SENP7: variants seen among roughly 807,000 people sequenced by gnomAD.
SENP7 encodes sentrin-specific protease 7.
In SENP7, 64 loss-of-function variants were observed where a neutral mutation model predicts 141.2. That is an observed-to-expected ratio of 0.45 (90% CI 0.37 to 0.56). The LOEUF is 0.56. Ranked by LOEUF, SENP7 falls within the 20% of genes least tolerant of loss-of-function variation. The pLI, the probability that SENP7 is intolerant of heterozygous loss-of-function variation, is 0.00. For missense variants in SENP7, 1,025 were observed against 1,212.2 expected (o/e 0.85, Z 2.29); for synonymous variants, 382 against 426.4 (o/e 0.90, Z 1.28).
At chr3:101,348,140 C>CT (rs201029956) in intron 12 of SENP7, 89 bp from the exon 13 acceptor site, 172 of 763,320 alleles carry the variant, frequency 2.3e-4, no homozygotes, top group Non-Finnish European at 2.8e-4. Flanking sequence ...TAATACACTA[C>CT]TTTTTTTAAA....
chr3:101,403,815 ATTC>A (rs2061222440), intron 5 of SENP7, among the ~76,000 whole-genome samples: 1 of 152,188 alleles, frequency 6.6e-6, no homozygotes, highest in Non-Finnish European at 1.5e-5. Context: ...AGGCAATCTC[ATTC>A]ATAACAGCCA....
chr3:101,474,662 C>G (rs1590009), intron 3 of SENP7, among the ~76,000 whole-genome samples: 59,990 of 151,368 alleles, frequency 0.4, 12,336 homozygotes, highest in Admixed American at 0.54. Flanking sequence ...CTATTTAGGT[C>G]CCTTTATTTC....
chr3:101,506,685 C>T (rs1275141611), intron 1 of SENP7, among the ~76,000 whole-genome samples: 1 of 152,090 alleles, frequency 6.6e-6, no homozygotes, highest in Admixed American at 6.6e-5. Flanking sequence ...GCATAAAGAC[C>T]AACAGAAGTG....
intron 4 of SENP7, among the ~76,000 whole-genome samples, chr3:101,424,429 C>T (rs1451561334): frequency 6.6e-6 from 1 of 151,850 alleles, no homozygotes; most frequent in African/African-American, 2.4e-5. Flanking sequence ...TGTGTGAGTG[C>T]AGTCCACCCC....
chr3:101,387,969 G>A (rs529114319), intron 6 of SENP7, among the ~76,000 whole-genome samples: 1 of 115,846 alleles, frequency 8.6e-6, no homozygotes, highest in Non-Finnish European at 2.0e-5. Flanking sequence ...CTAGGCATAG[G>A]CCCACCCAGC....
intron 3 of SENP7, among the ~76,000 whole-genome samples, chr3:101,463,400 T>TATATATATATATATATAC (rs2063650391): frequency 5.1e-5 from 4 of 77,986 alleles, no homozygotes; most frequent in African/African-American, 1.0e-4. Flanking sequence ...TATATATACA[T>TATATATATATATATATAC]ATATATATAT....
chr3:101,509,993 A>C (rs2065784504), intron 1 of SENP7, among the ~76,000 whole-genome samples: 1 of 152,258 alleles, frequency 6.6e-6, no homozygotes, highest in Non-Finnish European at 1.5e-5. Context: ...CCTTAACTAC[A>C]AATGAGAGTG....
At chr3:101,395,532 T>G (rs553975934) in intron 6 of SENP7, among the ~76,000 whole-genome samples, 1 of 152,244 alleles carries the variant, frequency 6.6e-6, no homozygotes, top group South Asian at 2.1e-4. Context: ...TTGGTTACTA[T>G]AGCCTTGTAA....
At chr3:101,438,050 C>G (rs2062457837) in intron 4 of SENP7, among the ~76,000 whole-genome samples, 1 of 151,912 alleles carries the variant, frequency 6.6e-6, no homozygotes, top group Non-Finnish European at 1.5e-5. Flanking sequence ...AGCAGTTGTT[C>G]AAGAAATTAA....
chr3:101,335,442 CTGATA>C (rs920602632), intron 17 of SENP7, among the ~76,000 whole-genome samples: 5 of 152,220 alleles, frequency 3.3e-5, no homozygotes, highest in South Asian at 2.1e-4. Flanking sequence ...AATGCTTGAT[CTGATA>C]TATCAAATTG....
chr3:101,359,666 GAATTA>G (rs900983990), intron 11 of SENP7, among the ~76,000 whole-genome samples: 4 of 151,516 alleles, frequency 2.6e-5, no homozygotes, highest in African/African-American at 9.7e-5. Flanking sequence ...ATAAGTAGAG[GAATTA>G]AATTAATGAA....
At chr3:101,512,342 C>T (rs866611541) in intron 1 of SENP7, among the ~76,000 whole-genome samples, 11 of 152,336 alleles carry the variant, frequency 7.2e-5, no homozygotes, top group Middle Eastern at 3.4e-3. Flanking sequence ...CTGGGAGGAG[C>T]TCTACCTCAC....
intron 19 of SENP7, among the ~76,000 whole-genome samples, chr3:101,330,906 A>G (rs1559676566): frequency 6.6e-6 from 1 of 152,160 alleles, no homozygotes; most frequent in African/African-American, 2.4e-5. Context: ...AAAACATTTA[A>G]TTTTGTTACT....
chr3:101,362,598 C>T (rs1295017558), intron 10 of SENP7, among the ~76,000 whole-genome samples: 1 of 152,104 alleles, frequency 6.6e-6, no homozygotes, highest in African/African-American at 2.4e-5. Flanking sequence ...AGTTTTATGG[C>T]CCTGGCTCTC....
Position 101,357,292 on chromosome 3 carries a change from C to G in SENP7, c.1623+4423G>C, listed in dbSNP as rs144861763. The G allele has an allele frequency of 2.7e-4, 154 of 578,804 alleles. 4 individuals are homozygous for G. The South Asian group carries it at 2.7e-3, about 10-fold the overall frequency. The allele number at this position is 578,804 out of a possible 1,614,324, so 35.9% of individuals were successfully genotyped here. ...CTGAGATTACAGGCGTGAGCCACCG[C>G]GAGGAGTGGCATTGCCTGGACACTG... is the stretch of plus-strand genomic sequence containing the variant. On this transcript the variant is annotated intron_variant, in intron 11 of 23. Coordinates refer to ENST00000394095, the MANE Select transcript of SENP7 (RefSeq NM_020654.5).
chr3:101,452,446 G>A (rs1453158082), intron 4 of SENP7, among the ~76,000 whole-genome samples: 4 of 152,094 alleles, frequency 2.6e-5, no homozygotes, highest in South Asian at 2.1e-4. Context: ...GAGGCATCAT[G>A]CTACCTGACT....
At chr3:101,408,022 A>G (rs2061352250) in intron 5 of SENP7, among the ~76,000 whole-genome samples, 1 of 152,168 alleles carries the variant, frequency 6.6e-6, no homozygotes, top group South Asian at 2.1e-4. Context: ...AATAAAATTG[A>G]TAGACCATTA....
chr3:101,379,439 A>G (rs1035230849), intron 6 of SENP7, among the ~76,000 whole-genome samples: 3 of 152,166 alleles, frequency 2.0e-5, no homozygotes, highest in South Asian at 2.1e-4. Context: ...TGCAAATCCC[A>G]TATCTATTAA....
intron 1 of SENP7, among the ~76,000 whole-genome samples, chr3:101,503,967 A>T (rs2065489824): frequency 6.6e-6 from 1 of 151,848 alleles, no homozygotes; most frequent in Non-Finnish European, 1.5e-5. Flanking sequence ...AAAAAAAGTC[A>T]CTGAACTATA....
Sources: gnomAD v4.1 joint callset for allele counts (sites outside exome capture counted in the v4.1 genomes callset) on GRCh38, gnomAD v4.1.1 for gene constraint, MANE v1.5 for transcripts, NCBI Gene and HGNC (gene_info 2026-07-23, HGNC 2026-07-21) for gene names.